SHROOM4: variants seen among roughly 807,000 people sequenced by gnomAD.
SHROOM4 encodes the protein protein Shroom4.
A neutral mutation model predicts 80.3 loss-of-function variants in SHROOM4; 17 were observed. The ratio of observed to expected loss-of-function variants is 0.21; its 90% CI spans 0.14 to 0.32. The LOEUF (loss-of-function observed/expected upper bound fraction) is 0.32, where lower values mean the gene tolerates loss of function less well. SHROOM4 is among the 10% of genes least tolerant of loss of function. The probability of loss-of-function intolerance (pLI) is 1.00; values close to 1 mark genes in which losing one functional copy is unlikely to be tolerated. For synonymous variants in SHROOM4, 400 were observed against 437.5 expected (o/e 0.91, Z 1.07); for missense variants, 993 against 1,140.3 (o/e 0.87, Z 1.86).
intron 2 of SHROOM4, among the ~76,000 whole-genome samples, chrX:50,690,944 G>A (rs923776415): frequency 4.4e-5 from 5 of 112,655 alleles, no homozygotes; most frequent in South Asian, 3.7e-4. Flanking sequence ...TCTAGCCTGG[G>A]CAACAAAGCA....
At chrX:50,730,028 G>C (rs1259424984) in intron 1 of SHROOM4, among the ~76,000 whole-genome samples, 4 of 112,085 alleles carry the variant, frequency 3.6e-5, no homozygotes, top group Non-Finnish European at 7.5e-5. Context: ...TGACACCAGA[G>C]AGTAATTTGA....
chrX:50,634,710 T>C lies in SHROOM4; in HGVS notation c.1363A>G (p.Lys455Glu). The change falls in exon 4 of 9, where the codon AAA becomes GAA. Residue 455 changes from lysine (K) to glutamate (E), a missense_variant. Coordinates refer to ENST00000376020, the MANE Select transcript of SHROOM4 (RefSeq NM_020717.5). ...GGGGGGCATGGACTTTTCTTCCCTT[T>C]GTGGCTGCTGTGCAAAGGGGACAGA... Reference protein sequence around the residue: ...WTLSPLHSSHKGKKSPCPPTG... With the variant: ...WTLSPLHSSHEGKKSPCPPTG... 1 of 1,211,605 alleles carries C rather than the reference T, an allele frequency of 8.3e-7. No individual in the cohort carries two copies. Among genetic ancestry groups the C allele is most frequent in the Non-Finnish European group, 1.1e-6 (1 of 895,507 alleles).
chrX:50,704,600 A>G (rs1557263802), intron 1 of SHROOM4, among the ~76,000 whole-genome samples: 2 of 111,848 alleles, frequency 1.8e-5, no homozygotes, highest in African/African-American at 6.5e-5. Context: ...CAGTTTCTAA[A>G]GAGTACACAT....
intron 1 of SHROOM4, among the ~76,000 whole-genome samples, chrX:50,709,210 A>T (rs1011759129): frequency 6.3e-5 from 7 of 111,404 alleles, no homozygotes; most frequent in Non-Finnish European, 1.1e-4. Flanking sequence ...AAACATTTAG[A>T]TTCTCCCCAA....
At chrX:50,754,314 C>T (rs1803703615) in intron 1 of SHROOM4, among the ~76,000 whole-genome samples, 1 of 111,765 alleles carries the variant, frequency 8.9e-6, no homozygotes, top group Non-Finnish European at 1.9e-5. Context: ...TCTATCCAAT[C>T]ATTCAACACT....
At chrX:50,627,857 TA>T in intron 4 of SHROOM4, among the ~76,000 whole-genome samples, 182 bp from the exon 5 acceptor site, 1 of 111,884 alleles carries the variant, frequency 8.9e-6, no homozygotes, top group South Asian at 3.8e-4. Context: ...GCAGGCTTGC[TA>T]AACTGCTGCA....
the SHROOM4 span, among the ~76,000 whole-genome samples, chrX:50,579,162 C>T: frequency 1.8e-5 from 2 of 111,609 alleles, no homozygotes; most frequent in East Asian, 5.6e-4. Context: ...TAGTTAAGGG[C>T]AACTAAAATA....
chrX:50,664,928 G>GACACAC (rs782486964), intron 2 of SHROOM4, among the ~76,000 whole-genome samples: 14 of 100,894 alleles, frequency 1.4e-4, no homozygotes, highest in African/African-American at 4.0e-4. Context: ...ACACCACACA[G>GACACAC]ACACACACAC....
chrX:50,635,109 G>T lies in SHROOM4; in HGVS notation c.964C>A (p.Pro322Thr), dbSNP rs782375304. The change falls in exon 4 of 9, where the codon CCT becomes ACT. Residue 322 changes from proline to threonine, a missense_variant. Coordinates refer to ENST00000376020, the MANE Select transcript of SHROOM4 (RefSeq NM_020717.5). ...CCACTGAGGCAACAGAACCTATTAG[G>T]GTTCCTTGCGGGTAGCACAGGCTCT... Reference protein sequence around the residue: ...SLEPVLPARNPNRFCCLSGHD... With the variant: ...SLEPVLPARNTNRFCCLSGHD... 8.3e-7 allele frequency: 1 copy of T among 1,210,044 alleles called. No homozygotes were observed. Among genetic ancestry groups the T allele is most frequent in the Non-Finnish European group, 1.1e-6 (1 of 895,134 alleles).
chrX:50,633,260 T>A lies in SHROOM4; in HGVS notation c.2813A>T (p.Tyr938Phe). 1 of 1,211,466 alleles carries A rather than the reference T, an allele frequency of 8.3e-7. No homozygotes were observed. Among genetic ancestry groups the A allele is most frequent in the East Asian group, 3.0e-5 (1 of 33,816 alleles). The change falls in exon 4 of 9, where the codon TAT (tyrosine) becomes TTT (phenylalanine). Residue 938 changes from tyrosine (Y) to phenylalanine (F), a missense_variant. Physicochemically the swap from Tyr to Phe is conservative, Grantham distance 22. Coordinates refer to ENST00000376020, the MANE Select transcript of SHROOM4 (RefSeq NM_020717.5). Reference sequence around the variant, plus strand: ...GAGGGCACTGTGCTGAGGATTATGATAGCAAACTGAACACCGAATGCATTG... The same window carrying A: ...GAGGGCACTGTGCTGAGGATTATGAAAGCAAACTGAACACCGAATGCATTG... ...HHQCIRCSVCYHNPQHSALED... is the reference protein window; with the variant it reads ...HHQCIRCSVCFHNPQHSALED...
intron 1 of SHROOM4, among the ~76,000 whole-genome samples, chrX:50,738,393 T>C (rs1161626029): frequency 3.6e-5 from 4 of 111,058 alleles, no homozygotes; most frequent in Admixed American, 1.9e-4. Context: ...CAAATTGTCC[T>C]TGTTTACAGA....
At chrX:50,578,433 A>T in the SHROOM4 span, among the ~76,000 whole-genome samples, 1 of 111,753 alleles carries the variant, frequency 8.9e-6, no homozygotes, top group Non-Finnish European at 1.9e-5. Flanking sequence ...CAGCCTCTCG[A>T]GTAGCTGGGA....
At chrX:50,760,393 A>G (rs1205080643) in intron 1 of SHROOM4, among the ~76,000 whole-genome samples, 1 of 101,110 alleles carries the variant, frequency 9.9e-6, no homozygotes, top group Non-Finnish European at 2.0e-5. Context: ...CATGGAGTGT[A>G]GTGGTACAAT....
intron 1 of SHROOM4, among the ~76,000 whole-genome samples, chrX:50,707,899 C>T (rs1344297362): frequency 9.0e-6 from 1 of 111,472 alleles, no homozygotes; most frequent in Non-Finnish European, 1.9e-5. Flanking sequence ...CTCTGCAGTG[C>T]CATCAGATAT....
chrX:50,787,780 A>AC (rs1351863939), intron 1 of SHROOM4, among the ~76,000 whole-genome samples: 9 of 109,184 alleles, frequency 8.2e-5, no homozygotes, highest in Admixed American at 5.8e-4. Flanking sequence ...AGAAAAAAAA[A>AC]AAACCCACCA....
rs782805062 is a variant in SHROOM4, at chrX:50,687,229, G to C, written c.269+8557C>G. On this transcript the variant is annotated intron_variant, in intron 2 of 8. Coordinates refer to ENST00000376020, the MANE Select transcript of SHROOM4 (RefSeq NM_020717.5). ...TATTTTAGGTTTTGTAGACTATATA[G>C]TGTCTGTTGCAACTATTCAACTTTG... 2.8e-3 allele frequency: 294 copies of C among 106,742 alleles called. 3 individuals are homozygous for C. Among genetic ancestry groups the C allele is most frequent in the African/African-American group, 1.0e-2 (282 of 28,244 alleles). 8.8% of individuals were successfully genotyped at this position (106,742 alleles called of 1,213,427 possible). A position where few individuals can be genotyped will look rare whatever the true frequency, so the allele number is the denominator to read the frequency against.
chrX:50,727,926 G>A (rs1934278395), intron 1 of SHROOM4, among the ~76,000 whole-genome samples: 1 of 112,081 alleles, frequency 8.9e-6, no homozygotes, highest in Non-Finnish European at 1.9e-5. Context: ...GGCTTTAGCA[G>A]TTCTGCCTGA....
intron 1 of SHROOM4, among the ~76,000 whole-genome samples, chrX:50,750,783 T>G (rs1156962429): frequency 1.8e-5 from 2 of 112,043 alleles, no homozygotes; most frequent in Non-Finnish European, 3.8e-5. Flanking sequence ...TCATCCTTCA[T>G]CATCCTCAAG....
chrX:50,726,226 C>T (rs1186743302), intron 1 of SHROOM4, among the ~76,000 whole-genome samples: 1 of 111,663 alleles, frequency 9.0e-6, no homozygotes, highest in Non-Finnish European at 1.9e-5. Context: ...TTTCTAAAAG[C>T]GTACAGTATA....
Sources: allele counts gnomAD v4.1 joint callset (sites outside exome capture counted in the v4.1 genomes callset), GRCh38; gene constraint gnomAD v4.1.1; transcripts MANE v1.5; gene names NCBI Gene and HGNC (gene_info 2026-07-23, HGNC 2026-07-21).